CREB5: variants seen among roughly 807,000 people sequenced by gnomAD.
The protein encoded by CREB5 is cyclic AMP-responsive element-binding protein 5.
A neutral mutation model predicts 57.1 loss-of-function variants in CREB5; 19 were observed. The observed-to-expected ratio is 0.33, with a 90% CI of 0.23 to 0.49. The LOEUF (loss-of-function observed/expected upper bound fraction) is 0.49. Among genes scored for constraint, CREB5 ranks in the 20% least tolerant of loss-of-function variants. The probability of loss-of-function intolerance (pLI) is 0.99; values close to 1 mark genes in which losing one functional copy is unlikely to be tolerated. For missense variants in CREB5, 579 were observed against 671.6 expected, an observed-to-expected ratio of 0.86 and a Z score of 1.52; for synonymous variants, 238 against 238.3, an observed-to-expected ratio of 1.00 and a Z score of 0.01.
At chr7:28,506,496 C>T (rs1353617729) in intron 3 of CREB5, among the ~76,000 whole-genome samples, 3 of 152,172 alleles carry the variant, frequency 2.0e-5, no homozygotes, top group African/African-American at 7.2e-5. Flanking sequence ...TACATGTACA[C>T]AGTGGAAATA....
chr7:28,386,130 A>C (rs1787097973), intron 1 of CREB5, among the ~76,000 whole-genome samples: 1 of 152,104 alleles, frequency 6.6e-6, no homozygotes, highest in Non-Finnish European at 1.5e-5. Flanking sequence ...TCACCTACTT[A>C]TTCGCATTTT....
intron 4 of CREB5, among the ~76,000 whole-genome samples, chr7:28,558,809 T>C (rs1463835729): frequency 6.6e-6 from 1 of 152,210 alleles, no homozygotes; most frequent in Non-Finnish European, 1.5e-5. Flanking sequence ...GGAGTCTCTT[T>C]GAAATGCTGA....
chr7:28,559,230 A>G (rs1794984495), intron 4 of CREB5, among the ~76,000 whole-genome samples: 1 of 152,182 alleles, frequency 6.6e-6, no homozygotes, highest in Non-Finnish European at 1.5e-5. Context: ...CACATGGCAA[A>G]TTGAGGAGAC....
Position 28,686,704 on chromosome 7 carries a change from G to T in CREB5, c.465-32049G>T, listed in dbSNP as rs111236934. On this transcript the variant is annotated intron_variant, in intron 5 of 10. Coordinates refer to ENST00000357727, the MANE Select transcript of CREB5 (RefSeq NM_182898.4). ...AGTAATGTGAGAGCGAGGGGGTCAG[G>T]GTTGCAAAGCATTTACCTGCTCTCA... 3.6e-3 allele frequency among the ~76,000 whole-genome samples: 547 copies of T among 152,204 alleles called. 3 individuals carry two copies. Among genetic ancestry groups the T allele is most frequent in the Non-Finnish European group, 6.2e-3 (422 of 68,016 alleles).
At chr7:28,764,258 T>A (rs562187850) in intron 7 of CREB5, among the ~76,000 whole-genome samples, 1 of 152,102 alleles carries the variant, frequency 6.6e-6, no homozygotes, top group East Asian at 1.9e-4. Context: ...TTTTTTAAAT[T>A]TCAAGCAAAA....
chr7:28,671,161 G>A (rs1299347059), intron 5 of CREB5, among the ~76,000 whole-genome samples: 4 of 151,926 alleles, frequency 2.6e-5, no homozygotes, highest in African/African-American at 9.7e-5. Flanking sequence ...AGGCTGAGGT[G>A]GGGAGGACTG....
chr7:28,712,033 G>A (rs1405219340), intron 5 of CREB5, among the ~76,000 whole-genome samples: 1 of 152,120 alleles, frequency 6.6e-6, no homozygotes, highest in Non-Finnish European at 1.5e-5. Context: ...AGAAACTGAG[G>A]CACAGAGAAG....
chr7:28,787,043 C>T (rs963185594), intron 7 of CREB5, among the ~76,000 whole-genome samples: 4 of 152,298 alleles, frequency 2.6e-5, no homozygotes, highest in South Asian at 2.1e-4. Context: ...AATTTAGCGA[C>T]GGCCTGGATA....
chr7:28,448,062 C>T (rs1777944035), intron 1 of CREB5, among the ~76,000 whole-genome samples: 1 of 152,132 alleles, frequency 6.6e-6, no homozygotes, highest in African/African-American at 2.4e-5. Flanking sequence ...AAGGCAGATC[C>T]ACCCTTAATC....
chr7:28,488,082 T>C, intron 1 of CREB5, 93 bp from the exon 2 acceptor site: 1 of 1,085,502 alleles, frequency 9.2e-7, no homozygotes, highest in East Asian at 2.4e-5. Context: ...GAAAGGGGGC[T>C]CTGAGTGATT....
intron 1 of CREB5, among the ~76,000 whole-genome samples, chr7:28,314,710 C>T (rs1158115086): frequency 6.6e-6 from 1 of 152,188 alleles, no homozygotes; most frequent in Non-Finnish European, 1.5e-5. Flanking sequence ...AGGGCACTTC[C>T]TGAAGGGGAA....
At chr7:28,572,060 A>G (rs887799463) in intron 5 of CREB5, among the ~76,000 whole-genome samples, 7 of 152,226 alleles carry the variant, frequency 4.6e-5, no homozygotes, top group African/African-American at 1.7e-4. Context: ...TAAGAATTCC[A>G]GACCTGCAGG....
intron 5 of CREB5, among the ~76,000 whole-genome samples, chr7:28,624,000 A>C (rs545634614): frequency 6.6e-6 from 1 of 152,184 alleles, no homozygotes; most frequent in African/African-American, 2.4e-5. Flanking sequence ...GGTGATGACA[A>C]CTTCCTCCAT....
chr7:28,445,502 G>A (rs1473204761), intron 1 of CREB5, among the ~76,000 whole-genome samples: 1 of 151,562 alleles, frequency 6.6e-6, no homozygotes, highest in Non-Finnish European at 1.5e-5. Flanking sequence ...TTGGAGCAGG[G>A]TTTTACTGAA....
intron 1 of CREB5, among the ~76,000 whole-genome samples, chr7:28,352,143 C>T (rs1786202231): frequency 6.6e-6 from 1 of 152,160 alleles, no homozygotes; most frequent in South Asian, 2.1e-4. Flanking sequence ...GATCATTTTT[C>T]ATAGAGTCTT....
chr7:28,525,187 T>C (rs1793396929), intron 4 of CREB5, among the ~76,000 whole-genome samples: 1 of 152,210 alleles, frequency 6.6e-6, no homozygotes, highest in Non-Finnish European at 1.5e-5. Context: ...TAGTATTCCA[T>C]TGTGTATATA....
At chr7:28,767,592 A>T (rs992300809) in intron 7 of CREB5, among the ~76,000 whole-genome samples, 3 of 152,228 alleles carry the variant, frequency 2.0e-5, no homozygotes, top group Non-Finnish European at 4.4e-5. Flanking sequence ...TACACTGAGG[A>T]GCATTTTTAA....
At chr7:28,793,648 A>C (rs1190595222) in intron 7 of CREB5, among the ~76,000 whole-genome samples, 1 of 152,238 alleles carries the variant, frequency 6.6e-6, no homozygotes, top group African/African-American at 2.4e-5. Flanking sequence ...CGAGCCGAGC[A>C]CAGCCGCCCT....
chr7:28,401,165 A>C (rs1050283751), intron 1 of CREB5, among the ~76,000 whole-genome samples: 5 of 152,194 alleles, frequency 3.3e-5, no homozygotes, highest in African/African-American at 1.2e-4. Context: ...AAAGAAAAAC[A>C]CATTAAGATA....
Sources: gnomAD v4.1 joint callset for allele counts (sites outside exome capture counted in the v4.1 genomes callset) on GRCh38, gnomAD v4.1.1 for gene constraint, MANE v1.5 for transcripts, NCBI Gene and HGNC (gene_info 2026-07-23, HGNC 2026-07-21) for gene names.